Variants in GNG7 observed in about 807,000 individuals in gnomAD.
The protein encoded by GNG7 is guanine nucleotide-binding protein G(I)/G(S)/G(O) subunit gamma-7.
A neutral mutation model predicts 4.0 loss-of-function variants in GNG7; 1 was observed. The ratio of observed to expected loss-of-function variants is 0.25; its 90% CI spans 0.09 to 1.18. The LOEUF is 1.18. Among genes scored for constraint, GNG7 ranks in the 50% most tolerant of loss-of-function variants. GNG7 has a pLI of 0.50. For missense variants in GNG7, 86 were observed against 91.9 expected (o/e 0.94, Z 0.26); for synonymous variants, 34 against 36.9 (o/e 0.92, Z 0.29).
At chr19:2,622,372 C>T (rs1337898555) in intron 2 of GNG7, among the ~76,000 whole-genome samples, 1 of 152,266 alleles carries the variant, frequency 6.6e-6, no homozygotes, top group South Asian at 2.1e-4. Context: ...AGCCACCGCG[C>T]CCGGCTCCTG....
intron 2 of GNG7, among the ~76,000 whole-genome samples, chr19:2,562,219 G>A (rs1979763016): frequency 6.6e-6 from 1 of 152,028 alleles, no homozygotes; most frequent in Non-Finnish European, 1.5e-5. Context: ...GAGCTGCCGG[G>A]GTCCCCACCT....
rs750687168 is a variant in GNG7, at chr19:2,611,004, C to CGGGGG, written c.-78+35215_-78+35219dup. The CGGGGG allele has an allele frequency of 4.1e-3, 90 of 21,866 alleles. No individual in the cohort carries two copies. The highest frequency in any genetic ancestry group is 5.2e-3 in the African/African-American group (84 of 16,120). The allele number at this position is 21,866 out of a possible 1,614,324, so 1.4% of individuals were successfully genotyped here. On this transcript the variant is annotated intron_variant, in intron 2 of 4. Coordinates refer to ENST00000382159, the MANE Select transcript of GNG7 (RefSeq NM_052847.3). The surrounding 1 kb of genome is among the most constrained non-coding windows in gnomAD (Gnocchi z 6.0). ...GGGGAACGGGCTCACGTGCCAGGCT[C>CGGGGG]GGGGGGGGGGAAGCGTCCTCAACAT...
At chr19:2,608,027 A>G (rs1469405345) in intron 2 of GNG7, among the ~76,000 whole-genome samples, 1 of 148,974 alleles carries the variant, frequency 6.7e-6, no homozygotes, top group African/African-American at 2.5e-5. Context: ...TTTGAGGGAG[A>G]TCAGAAGATC....
intron 1 of GNG7, among the ~76,000 whole-genome samples, chr19:2,658,925 C>G (rs1426699608): frequency 6.6e-6 from 1 of 151,476 alleles, no homozygotes; most frequent in Non-Finnish European, 1.5e-5. Flanking sequence ...AAAAGGGGGA[C>G]TTGAAGAGAC....
At chr19:2,539,726 G>A (rs1241809147) in intron 3 of GNG7, among the ~76,000 whole-genome samples, 1 of 152,104 alleles carries the variant, frequency 6.6e-6, no homozygotes, top group East Asian at 1.9e-4. Context: ...TCCCCCAGCT[G>A]CCCTGTCTCA....
At chr19:2,670,376 C>G (rs1209302536) in intron 1 of GNG7, among the ~76,000 whole-genome samples, 1 of 152,196 alleles carries the variant, frequency 6.6e-6, no homozygotes, top group Admixed American at 6.5e-5. Context: ...GCTGTCACCT[C>G]GACCCCGCTG....
chr19:2,694,456 C>T (rs1348910602), intron 1 of GNG7, among the ~76,000 whole-genome samples: 1 of 151,156 alleles, frequency 6.6e-6, no homozygotes, highest in South Asian at 2.1e-4. Context: ...TGCTCAGCAC[C>T]CTGCAGTGCC....
intron 2 of GNG7, among the ~76,000 whole-genome samples, chr19:2,598,603 G>A (rs1165804395): frequency 6.6e-6 from 1 of 151,596 alleles, no homozygotes; most frequent in Admixed American, 6.6e-5. Context: ...CTTGCAGTGA[G>A]CTGAGATCGC....
At chr19:2,602,632 C>T (rs1347841823) in intron 2 of GNG7, among the ~76,000 whole-genome samples, 1 of 152,250 alleles carries the variant, frequency 6.6e-6, no homozygotes, top group Admixed American at 6.5e-5. Context: ...ACTACGCAAT[C>T]GTCACAGCAT....
chr19:2,681,001 A>G (rs1983720248), intron 1 of GNG7, among the ~76,000 whole-genome samples: 1 of 151,998 alleles, frequency 6.6e-6, no homozygotes, highest in Non-Finnish European at 1.5e-5. Flanking sequence ...GTGAAGTGGT[A>G]TCTCACCATG....
At chr19:2,684,755 G>T (rs1206862009) in intron 1 of GNG7, among the ~76,000 whole-genome samples, 1 of 152,078 alleles carries the variant, frequency 6.6e-6, no homozygotes, top group African/African-American at 2.4e-5. Context: ...TTGGGAGGCC[G>T]AGGCGGGTGG....
At chr19:2,700,496 G>T (rs969693389) in intron 1 of GNG7, among the ~76,000 whole-genome samples, 1 of 152,012 alleles carries the variant, frequency 6.6e-6, no homozygotes, top group African/African-American at 2.4e-5. Context: ...TGCTCCTAAG[G>T]TTGCAGGACT....
At chr19:2,552,293 ACT>A (rs1186891179) in intron 3 of GNG7, among the ~76,000 whole-genome samples, 1 of 151,932 alleles carries the variant, frequency 6.6e-6, no homozygotes, top group Non-Finnish European at 1.5e-5. Context: ...ACAGAGAGAG[ACT>A]CTGTCTCAAA....
intron 1 of GNG7, among the ~76,000 whole-genome samples, chr19:2,650,835 C>A (rs934165625): frequency 1.3e-5 from 2 of 152,216 alleles, no homozygotes; most frequent in African/African-American, 4.8e-5. Flanking sequence ...GGGCGGCCAG[C>A]AGTGGAGACA....
At chr19:2,627,827 C>T (rs1452756362) in intron 2 of GNG7, among the ~76,000 whole-genome samples, 3 of 152,214 alleles carry the variant, frequency 2.0e-5, no homozygotes, top group Admixed American at 6.5e-5. Context: ...TGGTCCTGGT[C>T]GCAGACACAG....
intron 3 of GNG7, among the ~76,000 whole-genome samples, chr19:2,554,579 G>C (rs1283472814): frequency 7.2e-6 from 1 of 139,814 alleles, no homozygotes; most frequent in East Asian, 2.1e-4. Context: ...TTTTGAGACA[G>C]AGTCTCACTC....
intron 2 of GNG7, among the ~76,000 whole-genome samples, chr19:2,616,779 A>C (rs115947413): frequency 0.012 from 1,892 of 152,056 alleles, 40 homozygotes; most frequent in African/African-American, 0.043. Context: ...CTCAAAAAAA[A>C]AAACCAGACA....
intron 3 of GNG7, among the ~76,000 whole-genome samples, chr19:2,543,529 A>G (rs1046260616): frequency 6.6e-6 from 1 of 151,582 alleles, no homozygotes; most frequent in Non-Finnish European, 1.5e-5. Flanking sequence ...CCGGCCTGCA[A>G]TTTTTCTTTT....
rs780856159 is a variant in GNG7 at position 2,694,215 on chromosome 19, GA to G, written c.-135+8430del. Among the ~76,000 whole-genome samples the G allele has an allele frequency of 9.0e-4, 135 of 150,436 alleles. 4 individuals are homozygous for G. The highest frequency in any genetic ancestry group is 1.9e-3 in the South Asian group (9 of 4,782). ...TTTGGAGGAATCTACATTTTGGGGA[GA>G]TTTTTTTGTTGCTTTTTTTTGGGGG... On this transcript the variant is annotated intron_variant, in intron 1 of 4. Coordinates refer to ENST00000382159, the MANE Select transcript of GNG7 (RefSeq NM_052847.3).
Sources: allele counts gnomAD v4.1 joint callset (sites outside exome capture counted in the v4.1 genomes callset), GRCh38; gene constraint gnomAD v4.1.1; non-coding constraint Gnocchi (gnomAD v3.1); transcripts MANE v1.5; gene names NCBI Gene and HGNC (gene_info 2026-07-23, HGNC 2026-07-21).